KL: variants seen among roughly 807,000 people sequenced by gnomAD.
KL encodes the protein klotho.
KL carries 62 observed loss-of-function variants against 84.2 expected under a neutral mutation model. The observed-to-expected ratio is 0.74, with a 90% CI of 0.60 to 0.91. The LOEUF is 0.91. Among genes scored for constraint, KL ranks in the 40% least tolerant of loss-of-function variants. KL has a pLI of 0.00. For synonymous variants in KL, 528 were observed against 528.0 expected, an observed-to-expected ratio of 1.00 and a Z score of 0.00; for missense variants, 1,261 against 1,305.7, an observed-to-expected ratio of 0.97 and a Z score of 0.53.
chr13:33,051,203 A>C (rs914115317), intron 1 of KL, among the ~76,000 whole-genome samples: 1 of 152,152 alleles, frequency 6.6e-6, no homozygotes, highest in African/African-American at 2.4e-5. Flanking sequence ...CAGGAAAGTT[A>C]GATTTACCTG....
Position 33,032,668 on chromosome 13 carries a change from A to AG in KL, c.819+15414dup, listed in dbSNP as rs1037111792. 1.6e-4 allele frequency among the ~76,000 whole-genome samples: 25 copies of AG among 152,214 alleles called. 1 individual carries two copies. The South Asian group carries it at 4.1e-3, about 25-fold the overall frequency. On this transcript the variant is annotated intron_variant, in intron 1 of 4. Transcript: ENST00000380099. ...GAGCAGTCACATGCCCACAGATTCAAGGGGGAGGGTCCACAGATCCGCCAA... is the reference window on the plus strand; with the variant it reads ...GAGCAGTCACATGCCCACAGATTCAAGGGGGGAGGGTCCACAGATCCGCCAA...
chr13:33,030,831 C>T (rs1179795408), intron 1 of KL, among the ~76,000 whole-genome samples: 1 of 152,026 alleles, frequency 6.6e-6, no homozygotes, highest in East Asian at 1.9e-4. Flanking sequence ...AATTCTTGAA[C>T]ATCAGTAACA....
chr13:33,017,324 G>C, intron 1 of KL, 65 bp downstream of exon 1: 1 of 1,388,370 alleles, frequency 7.2e-7, no homozygotes, highest in Non-Finnish European at 9.7e-7. Context: ...AGGGGCCAGG[G>C]GGAAGTGTGG....
intron 1 of KL, among the ~76,000 whole-genome samples, chr13:33,043,127 A>C (rs559630708): frequency 7.9e-5 from 12 of 152,302 alleles, no homozygotes; most frequent in African/African-American, 2.9e-4. Context: ...TTTATAAGAA[A>C]CTGTCAAATA....
Position 33,016,872 on chromosome 13 carries a change from C to T in KL, c.432C>T (p.Val144=). The part of the protein sequence containing the change: ...RDTEALRELG[V]THYRFSISWA... ...CGGAGGCGCTGCGCGAGCTCGGGGT[C>T]ACTCACTACCGCTTCTCCATCTCGT... The change falls in exon 1 of 5, where the codon GTC becomes GTT. Residue 144 remains valine (V), a synonymous_variant. Coordinates refer to ENST00000380099, the MANE Select transcript of KL (RefSeq NM_004795.4). 6.2e-7 allele frequency: 1 copy of T among 1,612,712 alleles called. No individual in the cohort carries two copies. Among genetic ancestry groups the T allele is most frequent in the Non-Finnish European group, 8.5e-7 (1 of 1,179,812 alleles).
chr13:33,059,881 T>C (rs540084177), intron 3 of KL, among the ~76,000 whole-genome samples: 6 of 152,248 alleles, frequency 3.9e-5, no homozygotes, highest in Non-Finnish European at 1.5e-5. Context: ...CCTCTACCTA[T>C]AGCAAACCTC....
At chr13:33,030,244 T>G (rs954535351) in intron 1 of KL, among the ~76,000 whole-genome samples, 1 of 152,164 alleles carries the variant, frequency 6.6e-6, no homozygotes. Context: ...CAATTAAATT[T>G]CAACATGAGT....
At position 33,031,404 on chromosome 13, in the gene KL, A is replaced by G. The variant is rs184623213; in HGVS notation, c.819+14145A>G. On this transcript the variant is annotated intron_variant, in intron 1 of 4. Coordinates refer to ENST00000380099, the MANE Select transcript of KL (RefSeq NM_004795.4). ...TAGACTCAACAGAATAGATACGATC[A>G]TAGAAAACATGATAGAGAATCACTA... Among the ~76,000 whole-genome samples, 326 of 152,184 alleles carry G rather than the reference A, an allele frequency of 2.1e-3. 1 individual carries two copies. Among genetic ancestry groups the G allele is most frequent in the African/African-American group, 7.2e-3 (298 of 41,530 alleles).
Position 33,063,882 on chromosome 13 carries a change from A to G in KL, c.2735A>G (p.Tyr912Cys). ...CTGGATGGTATCAATCTTTGCGGAT[A>G]CTTTGCTTATTCGTTTAACGACCGC... Reference protein sequence around the residue: ...HILDGINLCGYFAYSFNDRTA... With the variant: ...HILDGINLCGCFAYSFNDRTA... The change falls in exon 5 of 5, where the codon TAC (tyrosine) becomes TGC (cysteine). Residue 912 changes from tyrosine (Y) to cysteine (C), a missense_variant. Coordinates refer to ENST00000380099, the MANE Select transcript of KL (RefSeq NM_004795.4). 6.2e-7 allele frequency: 1 copy of G among 1,614,126 alleles called. No individual in the cohort carries two copies.
intron 1 of KL, among the ~76,000 whole-genome samples, chr13:33,019,493 C>G (rs988985766): frequency 6.6e-6 from 1 of 152,058 alleles, no homozygotes; most frequent in Admixed American, 6.6e-5. Context: ...TTCCCTCACT[C>G]CCTCTGTGTT....
chr13:33,035,603 A>C (rs1167133611), intron 1 of KL, among the ~76,000 whole-genome samples: 1 of 148,416 alleles, frequency 6.7e-6, no homozygotes, highest in Non-Finnish European at 1.5e-5. Flanking sequence ...CTTTTTTCTC[A>C]TCTAGCCTAT....
Position 33,018,855 on chromosome 13 carries a change from AG to A in KL, c.819+1597del, listed in dbSNP as rs1870468390. Among the ~76,000 whole-genome samples the A allele has an allele frequency of 6.6e-5, 10 of 152,346 alleles. No individual in the cohort carries two copies. In the South Asian group the frequency reaches 2.1e-3, roughly 32 times the overall value. Reference sequence around the variant, plus strand: ...CCCTAGGATAAACTTGCATATACAAAGTAGTCAATTGTTATTATAGTGACTT... The same window carrying A: ...CCCTAGGATAAACTTGCATATACAAATAGTCAATTGTTATTATAGTGACTT... On this transcript the variant is annotated intron_variant, in intron 1 of 4. Transcript: ENST00000380099.
chr13:33,042,202 G>C (rs1871363279), intron 1 of KL, among the ~76,000 whole-genome samples: 1 of 151,994 alleles, frequency 6.6e-6, no homozygotes, highest in South Asian at 2.1e-4. Context: ...CAATGACTAA[G>C]ATATTAATCT....
intron 3 of KL, among the ~76,000 whole-genome samples, chr13:33,059,935 T>C (rs1872109788): frequency 6.6e-6 from 1 of 152,200 alleles, no homozygotes; most frequent in Non-Finnish European, 1.5e-5. Flanking sequence ...ATAAATATCT[T>C]TTCATTTTCT....
chr13:33,028,749 A>G (rs1347608435), intron 1 of KL, among the ~76,000 whole-genome samples: 1 of 152,242 alleles, frequency 6.6e-6, no homozygotes, highest in Non-Finnish European at 1.5e-5. Flanking sequence ...GAAAACAAAA[A>G]TAAGAAGGAA....
chr13:33,051,739 G>A (rs994901476), intron 1 of KL, among the ~76,000 whole-genome samples: 3 of 152,136 alleles, frequency 2.0e-5, no homozygotes, highest in Non-Finnish European at 4.4e-5. Flanking sequence ...AAAACTGACC[G>A]AGATTAATGC....
At chr13:33,052,683 G>A (rs1319832270) in intron 1 of KL, among the ~76,000 whole-genome samples, 1 of 152,208 alleles carries the variant, frequency 6.6e-6, no homozygotes, top group Non-Finnish European at 1.5e-5. Context: ...ATGTTGAAGA[G>A]GCTGTTTGGC....
chr13:33,042,770 C>T (rs1669733403), intron 1 of KL, among the ~76,000 whole-genome samples: 1 of 152,120 alleles, frequency 6.6e-6, no homozygotes, highest in African/African-American at 2.4e-5. Context: ...CAGCTTCTGC[C>T]ACGTGGGTCC....
chr13:33,041,397 T>C lies in KL; in HGVS notation c.820-12370T>C, dbSNP rs533575203. Among the ~76,000 whole-genome samples, 578 of 144,828 alleles carry C rather than the reference T, an allele frequency of 4.0e-3. 4 individuals carry two copies. The highest frequency in any genetic ancestry group is 0.014 in the South Asian group (55 of 4,024). ...AAGTAATTGCAGTTTTTGCCATTAC[T>C]TTTTAAATGGCAAAAACTGCAATTA... On this transcript the variant is annotated intron_variant, in intron 1 of 4. Transcript: ENST00000380099.
Sources: gnomAD v4.1 joint callset for allele counts (sites outside exome capture counted in the v4.1 genomes callset) on GRCh38, gnomAD v4.1.1 for gene constraint, MANE v1.5 for transcripts, NCBI Gene and HGNC (gene_info 2026-07-23, HGNC 2026-07-21) for gene names.